Variants in PRX observed in about 807,000 individuals in gnomAD.
The protein encoded by PRX is periaxin.
PRX carries 24 observed loss-of-function variants against 29.6 expected under a neutral mutation model. That is an observed-to-expected ratio of 0.81 (90% CI 0.59 to 1.14). The LOEUF is 1.14. Among genes scored for constraint, PRX ranks in the 50% most tolerant of loss-of-function variants. The probability of loss-of-function intolerance (pLI) is 0.00; values close to 1 mark genes in which losing one functional copy is unlikely to be tolerated. For synonymous variants in PRX, 772 were observed against 831.7 expected, an observed-to-expected ratio of 0.93 and a Z score of 1.24; for missense variants, 1,838 against 1,926.4, an observed-to-expected ratio of 0.95 and a Z score of 0.86.
Position 40,396,561 on chromosome 19 carries a change from C to T in PRX, c.1791G>A (p.Glu597=). Residue 597 remains glutamate, a synonymous_variant, in exon 7 of 7, where the codon GAG becomes GAA. Transcript: ENST00000324001. ...LPKVPEMKLP[E]MKLPEVQLPK... ...GGAGTTGCACTTCAGGGAGTTTCAT[C>T]TCAGGAAGTTTCATCTCAGGCACCT... 2.5e-6 allele frequency: 4 copies of T among 1,613,886 alleles called. No individual in the cohort carries two copies. Among genetic ancestry groups the T allele is most frequent in the Non-Finnish European group, 2.5e-6 (3 of 1,179,966 alleles).
intron 1 of PRX, among the ~76,000 whole-genome samples, chr19:40,410,713 A>G (rs991774365): frequency 2.0e-5 from 3 of 152,190 alleles, no homozygotes; most frequent in Non-Finnish European, 4.4e-5. Context: ...TCTACTAAAA[A>G]TACTAAAATT....
rs1438526620 is a variant in PRX, at chr19:40,397,192, T to C, written c.1160A>G (p.Lys387Arg). 1 of 1,613,834 alleles carries C rather than the reference T, an allele frequency of 6.2e-7. No individual in the cohort carries two copies. Among genetic ancestry groups the C allele is most frequent in the Non-Finnish European group, 8.5e-7 (1 of 1,179,966 alleles). ...VAKVSPEARV[K>R]GPRLRMPTFG... ...GGTGGGCATTCGAAGTCTGGGACCT[T>C]TCACCCTGGCCTCAGGGCTGACCTT... Residue 387 changes from lysine to arginine, a missense_variant, in exon 7 of 7, where the codon AAA becomes AGA. Physicochemically the swap from Lys to Arg is conservative, Grantham distance 26. Around this residue, in one of 3 missense-constraint regions of PRX, gnomAD observed 666 missense variants for 665.0 expected, o/e 1.00. Transcript: ENST00000324001.
At chr19:40,412,973 C>T (rs1052526450) in intron 1 of PRX, among the ~76,000 whole-genome samples, 4 of 152,198 alleles carry the variant, frequency 2.6e-5, no homozygotes, top group African/African-American at 7.2e-5. Context: ...GCAGTCCTGC[C>T]GCCTCAGCCT....
rs61733451 is a variant in PRX, at chr19:40,395,134, T to C, written c.3218A>G (p.Glu1073Gly). ...MPSFGLARGK[E>G]AEVQGDRASP... ...GGCACGATCACCTTGAACTTCTGCTTCCTTCCCTCGAGCCAGCCCAAAGGA... is the reference window on the plus strand; with the variant it reads ...GGCACGATCACCTTGAACTTCTGCTCCCTTCCCTCGAGCCAGCCCAAAGGA... Residue 1073 changes from glutamate (E) to glycine (G), a missense_variant, in exon 7 of 7, where the codon GAA (glutamate) becomes GGA (glycine). Around this residue, in one of 3 missense-constraint regions of PRX, gnomAD observed 1,143 missense variants for 1,193.0 expected, o/e 0.96. Transcript: ENST00000324001. The C allele has an allele frequency of 1.8e-3, 2,983 of 1,614,060 alleles. 43 individuals are homozygous for C. In the African/African-American group the frequency reaches 0.035, roughly 19 times the overall value.
At chr19:40,409,287 C>T in intron 1 of PRX, among the ~76,000 whole-genome samples, 1 of 152,132 alleles carries the variant, frequency 6.6e-6, no homozygotes, top group South Asian at 2.1e-4. Flanking sequence ...TAGCCACTCC[C>T]ATGTACTCCC....
chr19:40,395,986 G>A lies in PRX; in HGVS notation c.2366C>T (p.Ala789Val). 4 of 1,614,024 alleles carry A rather than the reference G, an allele frequency of 2.5e-6. No individual in the cohort carries two copies. The highest frequency in any genetic ancestry group is 3.4e-6 in the Non-Finnish European group (4 of 1,180,028). The change falls in exon 7 of 7, where the codon GCA becomes GTA. Residue 789 changes from alanine (A) to valine (V), a missense_variant. Transcript: ENST00000324001. ...APEVQLKATK[A>V]EQAEGMEFGF... ...AAATTCCATCCCTTCTGCCTGTTCT[G>A]CCTTGGTGGCCTTTAGCTGCACCTC...
upstream of PRX, among the ~76,000 whole-genome samples, chr19:40,413,962 T>C (rs1224083069): frequency 6.6e-6 from 1 of 152,198 alleles, no homozygotes. Flanking sequence ...CTCATCTTGC[T>C]GGGGGGTTTT....
Position 40,396,275 on chromosome 19 carries a change from G to C in PRX, c.2077C>G (p.Leu693Val), listed in dbSNP as rs758696889. The change falls in exon 7 of 7, where the codon CTC becomes GTC. Residue 693 changes from leucine to valine, a missense_variant. Physicochemically the swap from Leu to Val is conservative, Grantham distance 32 (BLOSUM62 1). Coordinates refer to ENST00000324001, the MANE Select transcript of PRX (RefSeq NM_181882.3). ...VQLPKVSEMK[L>V]PKVPEMAVPD... is the part of the protein sequence containing the mutation. ...ACGGCCATTTCAGGCACCTTGGGGA[G>C]TTTCATCTCTGAGACTTTTGGCAGC... The C allele has an allele frequency of 1.2e-6, 2 of 1,613,758 alleles. No individual in the cohort carries two copies. The highest frequency in any genetic ancestry group is 1.7e-6 in the Non-Finnish European group (2 of 1,179,940).
At position 40,395,807 on chromosome 19, in the gene PRX, C is replaced by A; in HGVS notation, c.2545G>T (p.Val849Phe). Residue 849 changes from valine (V) to phenylalanine (F), a missense_variant, in exon 7 of 7, where the codon GTC becomes TTC. Around this residue, in one of 3 missense-constraint regions of PRX, gnomAD observed 1,143 missense variants for 1,193.0 expected, o/e 0.96. Coordinates refer to ENST00000324001, the MANE Select transcript of PRX (RefSeq NM_181882.3). Reference protein sequence around the residue: ...PEVDGEAHVGVPSLTLPSVEL... With the variant: ...PEVDGEAHVGFPSLTLPSVEL... ...ACTGAAGGCAGAGTGAGAGAGGGGA[C>A]ACCCACATGAGCCTCACCATCCACC... 6.2e-7 allele frequency: 1 copy of A among 1,614,184 alleles called. No individual in the cohort carries two copies. Among genetic ancestry groups the A allele is most frequent in the South Asian group, 1.1e-5 (1 of 91,088 alleles).
In PRX at chr19:40,396,218, G is replaced by A. The variant is rs1463490551; in HGVS notation, c.2134C>T (p.Pro712Ser). The A allele has an allele frequency of 4.3e-6, 7 of 1,613,302 alleles. No homozygotes were observed. Among genetic ancestry groups the A allele is most frequent in the South Asian group, 1.1e-5 (1 of 91,036 alleles). The stretch of plus-strand genomic sequence containing the variant: ...GGGACTTTCATTTCACAGACTTTGG[G>A]CAGCTGCACCTCTGGGAGGTGCACA... Reference protein sequence around the residue: ...PDVHLPEVQLPKVCEMKVPDM... With the variant: ...PDVHLPEVQLSKVCEMKVPDM... The change falls in exon 7 of 7, where the codon CCC becomes TCC. Residue 712 changes from proline to serine, a missense_variant. This residue lies in a region of PRX where 1,143 missense variants were observed against 1,193.0 expected (regional missense o/e 0.96). Coordinates refer to ENST00000324001, the MANE Select transcript of PRX (RefSeq NM_181882.3).
chr19:40,394,482 C>T lies in PRX; in HGVS notation c.3870G>A (p.Glu1290=). ...ELSPSGGNHA[E]YQVAEGEGEA... is the part of the protein sequence containing the mutation. Reference sequence around the variant, plus strand: ...CTCCCTCCCCCTCTGCCACCTGGTACTCGGCATGGTTGCCCCCGGATGGCG... The same window carrying T: ...CTCCCTCCCCCTCTGCCACCTGGTATTCGGCATGGTTGCCCCCGGATGGCG... Residue 1290 remains glutamate (E), a synonymous_variant, in exon 7 of 7, where the codon GAG becomes GAA. Transcript: ENST00000324001. The surrounding 1 kb of genome is among the most constrained non-coding windows in gnomAD (Gnocchi z 5.8). The T allele has an allele frequency of 6.2e-7, 1 of 1,601,466 alleles. No homozygotes were observed. The highest frequency in any genetic ancestry group is 8.5e-7 in the Non-Finnish European group (1 of 1,174,606).
At chr19:40,399,850 CCTTTCTTTCTTTCTTT>C (rs59315819) in intron 5 of PRX, among the ~76,000 whole-genome samples, 15 of 119,742 alleles carry the variant, frequency 1.3e-4, no homozygotes, top group South Asian at 5.8e-4. Context: ...AGCTTTCTTT[CCTTTCTTTCTTTCTTT>C]CTTTCTTTCT....
Position 40,398,926 on chromosome 19 carries a change from A to T in PRX, c.185-110T>A. ...GCGGTGAGGACCCGCCCCAAATTTTAGTTTCTCCAATCCCCAGCGCAGGAT... is the reference window on the plus strand; with the variant it reads ...GCGGTGAGGACCCGCCCCAAATTTTTGTTTCTCCAATCCCCAGCGCAGGAT... On this transcript the variant is annotated intron_variant, in intron 5 of 6. Coordinates refer to ENST00000324001, the MANE Select transcript of PRX (RefSeq NM_181882.3). This position sits in a 1 kb window ranked among gnomAD's most constrained non-coding sequence, Gnocchi z 6.3. 6.4e-7 allele frequency: 1 copy of T among 1,557,524 alleles called. No individual in the cohort carries two copies. Among genetic ancestry groups the T allele is most frequent in the Non-Finnish European group, 8.7e-7 (1 of 1,152,024 alleles).
intron 4 of PRX, among the ~76,000 whole-genome samples, chr19:40,405,795 C>G (rs1486505353): frequency 6.6e-6 from 1 of 151,554 alleles, no homozygotes; most frequent in Non-Finnish European, 1.5e-5. Flanking sequence ...CACGCCACCA[C>G]GCCCAGCTAA....
In PRX at chr19:40,396,564, AG is replaced by A; in HGVS notation, c.1787del (p.Pro596LeufsTer3). On this transcript the variant is annotated frameshift_variant, in exon 7 of 7. Coordinates refer to ENST00000324001, the MANE Select transcript of PRX (RefSeq NM_181882.3). LOFTEE classifies it low-confidence loss of function (END_TRUNC). ...KLPKVPEMKL[P>X]EMKLPEVQLP... ...GTTGCACTTCAGGGAGTTTCATCTC[AG>A]GAAGTTTCATCTCAGGCACCTTTGG... 1 of 1,612,088 alleles carries A rather than the reference AG, an allele frequency of 6.2e-7. No homozygotes were observed. Among genetic ancestry groups the A allele is most frequent in the Non-Finnish European group, 8.5e-7 (1 of 1,179,600 alleles).
At position 40,408,010 on chromosome 19, in the gene PRX, C is replaced by T; in HGVS notation, c.-78G>A. ...TGCTGCAGAACCAGCTTCAGTTCTG[C>T]ATGGAGCAGCTGCCTCTGAGCCTGT... On this transcript the variant is annotated 5_prime_UTR_variant, in exon 4 of 7. The change abolishes an upstream ATG in the 5' untranslated region. Transcript: ENST00000324001. The T allele has an allele frequency of 6.3e-7, 1 of 1,594,590 alleles. No individual in the cohort carries two copies. The highest frequency in any genetic ancestry group is 1.1e-5 in the South Asian group (1 of 89,698).
chr19:40,396,506 C>T lies in PRX; in HGVS notation c.1846G>A (p.Val616Met), dbSNP rs776504709. ...PKVPEMAVPD[V>M]HLPEVQLPKV... Reference sequence around the variant, plus strand: ...GGAAGCTGCACTTCTGGGAGGTGCACATCGGGCACGGCCATCTCGGGCACC... The same window carrying T: ...GGAAGCTGCACTTCTGGGAGGTGCATATCGGGCACGGCCATCTCGGGCACC... The change falls in exon 7 of 7, where the codon GTG becomes ATG. Residue 616 changes from valine (V) to methionine (M), a missense_variant. Val to Met is a conservative substitution (Grantham distance 21). Around this residue, in one of 3 missense-constraint regions of PRX, gnomAD observed 1,143 missense variants for 1,193.0 expected, o/e 0.96. Coordinates refer to ENST00000324001, the MANE Select transcript of PRX (RefSeq NM_181882.3). 1.2e-5 allele frequency: 20 copies of T among 1,613,620 alleles called. No individual in the cohort carries two copies. Among genetic ancestry groups the T allele is most frequent in the African/African-American group, 1.3e-5 (1 of 74,752 alleles).
intron 1 of PRX, among the ~76,000 whole-genome samples, chr19:40,410,905 C>A (rs764130622): frequency 6.6e-6 from 1 of 152,128 alleles, no homozygotes; most frequent in South Asian, 2.1e-4. Context: ...AAAGCTCCAG[C>A]GCTTTAGCTG....
In PRX at chr19:40,394,145, CG is replaced by C; in HGVS notation, c.4206del (p.Val1403SerfsTer15). 6.3e-7 allele frequency: 1 copy of C among 1,595,888 alleles called. No homozygotes were observed. The highest frequency in any genetic ancestry group is 8.6e-7 in the Non-Finnish European group (1 of 1,168,218). ...GQEGDAAPKS[P>X]VREKSPKFRF... ...CGGAACTTGGGTGACTTCTCTCTGA[CG>C]GGGGACTTGGGGGCTGCATCGCCCT... is the stretch of plus-strand genomic sequence containing the variant. On this transcript the variant is annotated frameshift_variant, in exon 7 of 7. Transcript: ENST00000324001. LOFTEE classifies it high-confidence loss of function. This position sits in a 1 kb window ranked among gnomAD's most constrained non-coding sequence, Gnocchi z 5.8.
Sources: gnomAD v4.1 joint callset for allele counts (sites outside exome capture counted in the v4.1 genomes callset) on GRCh38, gnomAD v4.1.1 for gene constraint, gnomAD v4.1.1 regional missense constraint, Gnocchi (gnomAD v3.1) non-coding constraint, MANE v1.5 for transcripts, NCBI Gene and HGNC (gene_info 2026-07-23, HGNC 2026-07-21) for gene names.